Variants in WDR49 observed in about 807,000 individuals in gnomAD.
WDR49 encodes cilia- and flagella-associated protein 337.
In WDR49, 107 loss-of-function variants were observed where a neutral mutation model predicts 119.5. The ratio of observed to expected loss-of-function variants is 0.90; its 90% CI spans 0.77 to 1.05. The LOEUF (loss-of-function observed/expected upper bound fraction) is 1.05, where lower values mean the gene tolerates loss of function less well. Among genes scored for constraint, WDR49 ranks in the 50% least tolerant of loss-of-function variants. WDR49 has a pLI of 0.00. For missense variants in WDR49, 1,240 were observed against 1,220.5 expected, an observed-to-expected ratio of 1.02 and a Z score of -0.24; for synonymous variants, 425 against 418.8, an observed-to-expected ratio of 1.01 and a Z score of -0.18.
chr3:167,480,758 G>A (rs189998000), intron 18 of WDR49, among the ~76,000 whole-genome samples: 5 of 152,304 alleles, frequency 3.3e-5, no homozygotes, highest in Admixed American at 6.5e-5. Flanking sequence ...GAGAGTATAC[G>A]AAGGCCAGCA....
intron 7 of WDR49, among the ~76,000 whole-genome samples, chr3:167,594,185 C>T (rs564946174): frequency 4.6e-5 from 7 of 152,228 alleles, no homozygotes; most frequent in Admixed American, 1.3e-4. Context: ...AACTGGGTAA[C>T]GGGCAAAAGT....
intron 13 of WDR49, among the ~76,000 whole-genome samples, chr3:167,529,707 C>T (rs1247874572): frequency 6.6e-6 from 1 of 152,040 alleles, no homozygotes; most frequent in Non-Finnish European, 1.5e-5. Context: ...TTGACTTCTC[C>T]GTTTGGCAGC....
In WDR49 at chr3:167,478,863, G is replaced by T. The variant is rs375411249; in HGVS notation, c.*15C>A. ...ATCTGTACCTTATGTAACAGTGAAG[G>T]TTTTTCTGTTGTAATTACTTCTTAT... On this transcript the variant is annotated 3_prime_UTR_variant, in exon 19 of 19. Transcript: ENST00000682715. The T allele has an allele frequency of 1.3e-6, 2 of 1,541,840 alleles. No individual in the cohort carries two copies. Among genetic ancestry groups the T allele is most frequent in the African/African-American group, 1.4e-5 (1 of 72,588 alleles).
chr3:167,597,403 G>A (rs1382183274), intron 7 of WDR49, among the ~76,000 whole-genome samples: 1 of 152,212 alleles, frequency 6.6e-6, no homozygotes, highest in Non-Finnish European at 1.5e-5. Context: ...GGGCTGCAGG[G>A]AGCCCTCATG....
chr3:167,517,797 A>G (rs1752278443), intron 16 of WDR49, among the ~76,000 whole-genome samples: 1 of 150,502 alleles, frequency 6.6e-6, no homozygotes, highest in South Asian at 2.1e-4. Context: ...GGTTAGTTAC[A>G]TATGTATACA....
intron 7 of WDR49, 81 bp from the exon 8 acceptor site, chr3:167,576,232 T>C: frequency 8.6e-7 from 1 of 1,158,558 alleles, no homozygotes; most frequent in Non-Finnish European, 1.2e-6. Flanking sequence ...TAGCTCACCC[T>C]CAATACCAGG....
chr3:167,488,167 C>CAA (rs1750997271), intron 18 of WDR49, among the ~76,000 whole-genome samples: 1 of 151,218 alleles, frequency 6.6e-6, no homozygotes, highest in South Asian at 2.1e-4. Flanking sequence ...CACACACACA[C>CAA]ACACACACAC....
chr3:167,608,212 C>A (rs1397131998), intron 5 of WDR49, among the ~76,000 whole-genome samples: 1 of 152,110 alleles, frequency 6.6e-6, no homozygotes, highest in Non-Finnish European at 1.5e-5. Flanking sequence ...GTTATTATAA[C>A]CTGACTCTCA....
In WDR49 at chr3:167,584,514, G is replaced by A. The variant is rs1480492933; in HGVS notation, c.1276-8363C>T. Reference sequence around the variant, plus strand: ...ATGGAAAAAGAAAAACAATAAGTAGGAATTACCCTACCTGGCATCAAAGTA... The same window carrying A: ...ATGGAAAAAGAAAAACAATAAGTAGAAATTACCCTACCTGGCATCAAAGTA... On this transcript the variant is annotated intron_variant, in intron 7 of 18. Coordinates refer to ENST00000682715, the MANE Select transcript of WDR49 (RefSeq NM_001366157.1). Among the ~76,000 whole-genome samples the A allele has an allele frequency of 3.3e-5, 5 of 152,044 alleles. No individual in the cohort carries two copies. The South Asian group carries it at 1.0e-3, about 32-fold the overall frequency.
At chr3:167,497,637 A>T (rs1751406571) in intron 18 of WDR49, among the ~76,000 whole-genome samples, 1 of 152,074 alleles carries the variant, frequency 6.6e-6, no homozygotes, top group African/African-American at 2.4e-5. Context: ...TGCTGCTCTC[A>T]TTATTTACCT....
intron 14 of WDR49, 41 bp downstream of exon 14, chr3:167,529,011 C>A: frequency 6.8e-7 from 1 of 1,475,026 alleles, no homozygotes; most frequent in Non-Finnish European, 9.0e-7. Context: ...AAAGGGTCAC[C>A]AAAAATCTTA....
chr3:167,511,570 G>GT (rs1327871570), intron 16 of WDR49, among the ~76,000 whole-genome samples: 1 of 152,124 alleles, frequency 6.6e-6, no homozygotes, highest in Non-Finnish European at 1.5e-5. Flanking sequence ...GGGAAACCAT[G>GT]TTTTTTTCCA....
intron 10 of WDR49, among the ~76,000 whole-genome samples, chr3:167,539,465 TA>T (rs1313492696): frequency 3.3e-5 from 5 of 152,158 alleles, no homozygotes; most frequent in African/African-American, 9.7e-5. Flanking sequence ...TAGAATTCCT[TA>T]ATAACTAGGA....
intron 8 of WDR49, among the ~76,000 whole-genome samples, chr3:167,563,611 T>C (rs1227532431): frequency 6.6e-6 from 1 of 152,198 alleles, no homozygotes; most frequent in Non-Finnish European, 1.5e-5. Flanking sequence ...TGTTTGTTTT[T>C]ATTATTTTAA....
chr3:167,605,277 T>A, intron 5 of WDR49, among the ~76,000 whole-genome samples: 1 of 152,166 alleles, frequency 6.6e-6, no homozygotes, highest in East Asian at 1.9e-4. Flanking sequence ...CAAGAGCTCA[T>A]ATTGATATGT....
At chr3:167,484,453 A>G (rs1320064847) in intron 18 of WDR49, among the ~76,000 whole-genome samples, 1 of 152,084 alleles carries the variant, frequency 6.6e-6, no homozygotes, top group Non-Finnish European at 1.5e-5. Flanking sequence ...AATAAAATAT[A>G]TATATATGTA....
chr3:167,500,047 A>G (rs758023230), intron 18 of WDR49, 106 bp downstream of exon 18: 162 of 1,295,816 alleles, frequency 1.3e-4, no homozygotes, highest in Non-Finnish European at 1.5e-4. Context: ...TTTCACTGCA[A>G]ACTACAAGAC....
intron 2 of WDR49, among the ~76,000 whole-genome samples, chr3:167,643,986 G>T (rs1718000759): frequency 6.6e-6 from 1 of 150,382 alleles, no homozygotes; most frequent in Admixed American, 6.6e-5. Context: ...CTGGCTACCA[G>T]ATCATGTTGG....
intron 2 of WDR49, among the ~76,000 whole-genome samples, chr3:167,640,348 A>G (rs373519670): frequency 1.3e-5 from 2 of 151,856 alleles, no homozygotes; most frequent in African/African-American, 4.8e-5. Flanking sequence ...CGAATTATTA[A>G]CCATCTTCCG....
Sources: allele counts gnomAD v4.1 joint callset (sites outside exome capture counted in the v4.1 genomes callset), GRCh38; gene constraint gnomAD v4.1.1; transcripts MANE v1.5; gene names NCBI Gene and HGNC (gene_info 2026-07-23, HGNC 2026-07-21).